Variants in EIF4G3 observed in about 807,000 individuals in gnomAD.
The protein encoded by EIF4G3 is eukaryotic translation initiation factor 4 gamma 3.
EIF4G3 carries 34 observed loss-of-function variants against 186.4 expected under a neutral mutation model. That is an observed-to-expected ratio of 0.18 (90% CI 0.14 to 0.24). The LOEUF (loss-of-function observed/expected upper bound fraction) is 0.24, where lower values mean the gene tolerates loss of function less well. Among genes scored for constraint, EIF4G3 ranks in the 10% least tolerant of loss-of-function variants. EIF4G3 has a pLI of 1.00. For missense variants in EIF4G3, 1,536 were observed against 1,948.5 expected (o/e 0.79, Z 3.99); for synonymous variants, 673 against 679.5 (o/e 0.99, Z 0.15).
chr1:20,812,134 T>G (rs1406590171), intron 35 of EIF4G3, among the ~76,000 whole-genome samples: 1 of 152,202 alleles, frequency 6.6e-6, no homozygotes, highest in Admixed American at 6.5e-5. Flanking sequence ...CAGATTTTGC[T>G]TTTAAAATCT....
At chr1:21,171,277 G>A (rs1256672868) in intron 2 of EIF4G3, among the ~76,000 whole-genome samples, 1 of 152,184 alleles carries the variant, frequency 6.6e-6, no homozygotes, top group Non-Finnish European at 1.5e-5. Context: ...TATTCCTTAG[G>A]TAAAAATAGA....
At chr1:21,060,995 G>C (rs766357513) in intron 3 of EIF4G3, among the ~76,000 whole-genome samples, 1 of 152,030 alleles carries the variant, frequency 6.6e-6, no homozygotes, top group Non-Finnish European at 1.5e-5. Context: ...CAGTAAAAGA[G>C]ACTAAAATCC....
rs191365026 is a variant in EIF4G3 at position 21,097,594 on chromosome 1, G to A, written c.-271-8381C>T. 4.7e-4 allele frequency among the ~76,000 whole-genome samples: 72 copies of A among 152,246 alleles called. 1 individual carries two copies. In the East Asian group the frequency reaches 0.013, roughly 27 times the overall value. ...ATTAACACTTGAAAACCAAAATAGT[G>A]TGGTACTGGCAAAAGGACATAAAAA... On this transcript the variant is annotated intron_variant, in intron 2 of 36. Transcript: ENST00000602326.
intron 2 of EIF4G3, among the ~76,000 whole-genome samples, chr1:21,118,798 A>G (rs2096874504): frequency 1.3e-5 from 2 of 151,616 alleles, no homozygotes; most frequent in Admixed American, 1.3e-4. Flanking sequence ...AAAAAAAAAA[A>G]AAAGAAACAG....
At chr1:20,921,342 T>C (rs1432236385) in intron 14 of EIF4G3, among the ~76,000 whole-genome samples, 2 of 152,242 alleles carry the variant, frequency 1.3e-5, no homozygotes, top group African/African-American at 4.8e-5. Flanking sequence ...GTGCTATTGA[T>C]GCAAGGTTAG....
intron 2 of EIF4G3, among the ~76,000 whole-genome samples, chr1:21,140,611 T>C (rs1045441708): frequency 2.0e-5 from 3 of 152,196 alleles, no homozygotes; most frequent in Non-Finnish European, 4.4e-5. Context: ...CACCTGGCCT[T>C]GGCAAAATTA....
intron 4 of EIF4G3, among the ~76,000 whole-genome samples, chr1:21,030,566 C>A (rs1571335750): frequency 6.6e-6 from 1 of 152,134 alleles, no homozygotes; most frequent in Admixed American, 6.5e-5. Flanking sequence ...TTTACCAGCA[C>A]CCTGAAAATG....
At chr1:20,829,385 G>T in intron 30 of EIF4G3, 113 bp from the exon 31 acceptor site, 1 of 1,194,708 alleles carries the variant, frequency 8.4e-7, no homozygotes, top group South Asian at 1.4e-5. Flanking sequence ...GCTATGTTAG[G>T]TACAGTCTAG....
chr1:20,900,140 C>T (rs892026739), intron 15 of EIF4G3, among the ~76,000 whole-genome samples, 197 bp from the exon 16 acceptor site: 6 of 152,086 alleles, frequency 3.9e-5, no homozygotes, highest in Non-Finnish European at 8.8e-5. Flanking sequence ...AAAAGGAAGA[C>T]CATTCAAATG....
intron 4 of EIF4G3, among the ~76,000 whole-genome samples, chr1:21,022,607 G>A (rs1488925934): frequency 7.9e-5 from 12 of 152,144 alleles, no homozygotes; most frequent in Non-Finnish European, 1.5e-4. Context: ...ACCAGTTTGT[G>A]TTAAAGCTCA....
At chr1:20,964,802 G>A (rs2074249801) in intron 12 of EIF4G3, among the ~76,000 whole-genome samples, 1 of 152,164 alleles carries the variant, frequency 6.6e-6, no homozygotes, top group South Asian at 2.1e-4. Context: ...TGCTGACCAT[G>A]ATAAAACCTA....
At chr1:20,919,385 T>C (rs2094272784) in intron 14 of EIF4G3, among the ~76,000 whole-genome samples, 1 of 152,094 alleles carries the variant, frequency 6.6e-6, no homozygotes. Context: ...ATTTTTGTAT[T>C]GTAGAGACAG....
intron 2 of EIF4G3, among the ~76,000 whole-genome samples, chr1:21,158,613 A>C (rs1307130186): frequency 6.6e-6 from 1 of 152,184 alleles, no homozygotes; most frequent in Non-Finnish European, 1.5e-5. Context: ...ATTTAACACC[A>C]CTAAAACACA....
intron 3 of EIF4G3, among the ~76,000 whole-genome samples, chr1:21,053,934 C>T (rs2154577581): frequency 6.6e-6 from 1 of 151,190 alleles, no homozygotes; most frequent in Admixed American, 6.6e-5. Flanking sequence ...AAGTGAGGAG[C>T]CCCTCTGCCC....
At position 20,814,863 on chromosome 1, in the gene EIF4G3, G is replaced by C. The variant is rs1347813604; in HGVS notation, c.4516-1624C>G. Among the ~76,000 whole-genome samples the C allele has an allele frequency of 1.5e-3, 172 of 114,930 alleles. 1 individual carries two copies. Among genetic ancestry groups the C allele is most frequent in the Admixed American group, 2.8e-3 (30 of 10,562 alleles). 75.4% of individuals were successfully genotyped at this position (114,930 alleles called of 152,430 possible). On this transcript the variant is annotated intron_variant, in intron 34 of 36. Transcript: ENST00000602326. ...AGCTGGACGGTACTGCTGCCATCTC[G>C]GCTCACTGCAACCTCCCTGCCTGAT...
At chr1:21,085,696 C>A (rs938309287) in intron 3 of EIF4G3, among the ~76,000 whole-genome samples, 21 of 152,008 alleles carry the variant, frequency 1.4e-4, no homozygotes, top group Non-Finnish European at 2.2e-4. Context: ...CACAATCAGC[C>A]AAAGGTTATT....
chr1:20,967,444 A>T (rs1474450464), intron 12 of EIF4G3, among the ~76,000 whole-genome samples: 1 of 152,226 alleles, frequency 6.6e-6, no homozygotes, highest in South Asian at 2.1e-4. Flanking sequence ...TCCCATGCTC[A>T]CTTCCAGGGA....
chr1:21,052,586 C>T (rs978029795), intron 3 of EIF4G3, among the ~76,000 whole-genome samples: 6 of 151,902 alleles, frequency 3.9e-5, no homozygotes, highest in Non-Finnish European at 8.8e-5. Flanking sequence ...CCTCTCCCCA[C>T]GGTCTCCCTC....
Position 20,810,429 on chromosome 1 carries a change from C to T in EIF4G3, c.4744+309G>A, listed in dbSNP as rs1205013233. On this transcript the variant is annotated intron_variant, in intron 36 of 36. Coordinates refer to ENST00000602326, the MANE Select transcript of EIF4G3 (RefSeq NM_001391906.1). The surrounding 1 kb of genome is among the most constrained non-coding windows in gnomAD (Gnocchi z 4.1). ...TCGGCCTCCCAAAGTGCTGGGATTACAGGTGTGAGCCACCGTGCTCAGCCA... is the reference window on the plus strand; with the variant it reads ...TCGGCCTCCCAAAGTGCTGGGATTATAGGTGTGAGCCACCGTGCTCAGCCA... 6.6e-6 allele frequency among the ~76,000 whole-genome samples: 1 copy of T among 151,990 alleles called. No individual in the cohort carries two copies. The highest frequency in any genetic ancestry group is 2.4e-5 in the African/African-American group (1 of 41,372).
Sources: allele counts gnomAD v4.1 joint callset (sites outside exome capture counted in the v4.1 genomes callset), GRCh38; gene constraint gnomAD v4.1.1; non-coding constraint Gnocchi (gnomAD v3.1); transcripts MANE v1.5; gene names NCBI Gene and HGNC (gene_info 2026-07-23, HGNC 2026-07-21).